Variants in SPAG16 observed in about 807,000 individuals in gnomAD.
SPAG16 encodes the protein sperm-associated antigen 16 protein.
A neutral mutation model predicts 80.4 loss-of-function variants in SPAG16; 86 were observed. The observed-to-expected ratio is 1.07, with a 90% confidence interval of 0.90 to 1.28. SPAG16 has a LOEUF of 1.28. Among genes scored for constraint, SPAG16 ranks in the 50% most tolerant of loss-of-function variants. The probability of loss-of-function intolerance (pLI) is 0.00; values close to 1 mark genes in which losing one functional copy is unlikely to be tolerated. For missense variants in SPAG16, 870 were observed against 765.3 expected, an observed-to-expected ratio of 1.14 and a Z score of -1.61; for synonymous variants, 294 against 265.9, an observed-to-expected ratio of 1.11 and a Z score of -1.03.
At chr2:214,295,674 C>T (rs1694080662) in intron 15 of SPAG16, among the ~76,000 whole-genome samples, 1 of 152,000 alleles carries the variant, frequency 6.6e-6, no homozygotes. Context: ...GTCTGTAATC[C>T]CAGCTACTTG....
chr2:213,354,699 C>T (rs941372804), intron 7 of SPAG16, among the ~76,000 whole-genome samples: 1 of 151,668 alleles, frequency 6.6e-6, no homozygotes, highest in Non-Finnish European at 1.5e-5. Flanking sequence ...TGAGAAGTAT[C>T]TGTTCATATA....
intron 9 of SPAG16, among the ~76,000 whole-genome samples, chr2:213,440,419 G>A (rs368425882): frequency 1.3e-5 from 2 of 152,274 alleles, no homozygotes; most frequent in South Asian, 2.1e-4. Context: ...GCTGGGCGTG[G>A]CGGCGGGCGC....
At chr2:214,370,254 AT>A (rs1033834252) in intron 15 of SPAG16, among the ~76,000 whole-genome samples, 1 of 151,786 alleles carries the variant, frequency 6.6e-6, no homozygotes, top group African/African-American at 2.4e-5. Flanking sequence ...AATTCTACCC[AT>A]TTTTTTCAGT....
chr2:213,585,701 C>T (rs957562375), intron 10 of SPAG16, among the ~76,000 whole-genome samples: 1 of 152,154 alleles, frequency 6.6e-6, no homozygotes, highest in African/African-American at 2.4e-5. Context: ...TTTAAATTCA[C>T]TCACTCTAAA....
At chr2:213,904,549 T>G (rs1199342988) in intron 11 of SPAG16, among the ~76,000 whole-genome samples, 1 of 147,460 alleles carries the variant, frequency 6.8e-6, no homozygotes, top group African/African-American at 2.6e-5. Flanking sequence ...AAGATGAGAT[T>G]TGGGTGGGGA....
intron 10 of SPAG16, among the ~76,000 whole-genome samples, chr2:213,780,934 A>G (rs1456379669): frequency 6.6e-6 from 1 of 152,168 alleles, no homozygotes; most frequent in Non-Finnish European, 1.5e-5. Context: ...TGTATATCAT[A>G]TTCCACATGA....
chr2:213,989,035 A>G (rs918689648), intron 12 of SPAG16, among the ~76,000 whole-genome samples: 2 of 152,078 alleles, frequency 1.3e-5, no homozygotes, highest in South Asian at 4.1e-4. Flanking sequence ...CAAGGCTTTG[A>G]ACTGGATCTA....
chr2:214,054,034 C>T (rs1332515759), intron 13 of SPAG16, among the ~76,000 whole-genome samples: 3 of 152,054 alleles, frequency 2.0e-5, no homozygotes, highest in East Asian at 1.9e-4. Flanking sequence ...CTCTTGTTGC[C>T]CTGTACGGAG....
chr2:213,865,125 TG>T (rs1415378717), intron 11 of SPAG16, among the ~76,000 whole-genome samples: 1 of 152,064 alleles, frequency 6.6e-6, no homozygotes, highest in Non-Finnish European at 1.5e-5. Context: ...AGAATTAACA[TG>T]GTAGTATAAT....
At chr2:213,956,103 T>C (rs1451086772) in intron 12 of SPAG16, among the ~76,000 whole-genome samples, 1 of 151,166 alleles carries the variant, frequency 6.6e-6, no homozygotes, top group Admixed American at 6.6e-5. Context: ...GATTACGCAT[T>C]CACCACCATG....
At position 213,317,353 on chromosome 2, in the gene SPAG16, CTGAG is replaced by C. The variant is rs769796509; in HGVS notation, c.535_536+2del. The C allele has an allele frequency of 1.2e-6, 2 of 1,603,478 alleles. No individual in the cohort carries two copies. Among genetic ancestry groups the C allele is most frequent in the African/African-American group, 1.3e-5 (1 of 74,344 alleles). On this transcript the variant is annotated splice_donor_variant and coding_sequence_variant, in exon 5 of 16. Transcript: ENST00000331683. LOFTEE classifies it high-confidence loss of function. ...GATTTGAAGCACTACAAACAAGCAG[CTGAG>C]TATGTTATTTTTTAAATGACATTTT...
chr2:213,903,935 T>C (rs2077327167), intron 11 of SPAG16, among the ~76,000 whole-genome samples: 1 of 152,164 alleles, frequency 6.6e-6, no homozygotes, highest in African/African-American at 2.4e-5. Context: ...TAAAACATAA[T>C]AGCCTCTTTG....
At chr2:213,540,944 T>C (rs1224744075) in intron 10 of SPAG16, among the ~76,000 whole-genome samples, 1 of 152,186 alleles carries the variant, frequency 6.6e-6, no homozygotes, top group Non-Finnish European at 1.5e-5. Flanking sequence ...GCTATTTGTG[T>C]GTGTATGTGC....
intron 15 of SPAG16, among the ~76,000 whole-genome samples, chr2:214,352,799 A>C (rs1310372522): frequency 6.6e-6 from 1 of 151,882 alleles, no homozygotes; most frequent in Non-Finnish European, 1.5e-5. Context: ...ACACTCCCTC[A>C]GTTTTTATGC....
intron 10 of SPAG16, among the ~76,000 whole-genome samples, chr2:213,714,448 A>G (rs1411489164): frequency 1.3e-5 from 2 of 152,192 alleles, no homozygotes; most frequent in African/African-American, 2.4e-5. Context: ...GGAGACAGAA[A>G]TAACAGCTAA....
chr2:213,347,485 C>G (rs567290086), intron 6 of SPAG16, among the ~76,000 whole-genome samples: 15 of 152,246 alleles, frequency 9.9e-5, no homozygotes, highest in African/African-American at 2.9e-4. Flanking sequence ...GTTAGGGTGT[C>G]AATTTTAGAT....
intron 10 of SPAG16, among the ~76,000 whole-genome samples, chr2:213,687,367 C>G (rs1423260346): frequency 6.6e-6 from 1 of 152,144 alleles, no homozygotes; most frequent in Non-Finnish European, 1.5e-5. Flanking sequence ...TTGTGATCTT[C>G]ATTTCTTTGA....
At chr2:214,249,206 G>A (rs923870254) in intron 15 of SPAG16, among the ~76,000 whole-genome samples, 1 of 152,120 alleles carries the variant, frequency 6.6e-6, no homozygotes, top group African/African-American at 2.4e-5. Context: ...AGAAAATTCA[G>A]ACAGATTGCC....
intron 11 of SPAG16, among the ~76,000 whole-genome samples, chr2:213,902,328 G>C (rs2077252112): frequency 1.3e-5 from 2 of 152,178 alleles, no homozygotes; most frequent in South Asian, 4.1e-4. Flanking sequence ...TGCTGATAAA[G>C]ACATACCTGA....
Sources: gnomAD v4.1 joint callset for allele counts (sites outside exome capture counted in the v4.1 genomes callset) on GRCh38, gnomAD v4.1.1 for gene constraint, MANE v1.5 for transcripts, NCBI Gene and HGNC (gene_info 2026-07-23, HGNC 2026-07-21) for gene names.